Variants in TSPAN11 observed in about 807,000 individuals in gnomAD.
The protein encoded by TSPAN11 is tetraspanin 11.
Under a neutral mutation model 32.9 loss-of-function variants are expected in TSPAN11, and 29 were observed. The ratio of observed to expected loss-of-function variants is 0.88; its 90% CI spans 0.66 to 1.20. The LOEUF (loss-of-function observed/expected upper bound fraction) is 1.20. TSPAN11 is among the 50% of genes most tolerant of loss of function. The pLI is 0.00. For missense variants in TSPAN11, 283 were observed against 329.1 expected (o/e 0.86, Z 1.08); for synonymous variants, 140 against 141.3 (o/e 0.99, Z 0.07).
chr12:30,954,361 T>C (rs937494175), intron 2 of TSPAN11: 1 of 369,732 alleles, frequency 2.7e-6, no homozygotes, highest in African/African-American at 2.1e-5. Context: ...GTACAAAGGG[T>C]CCGGTTCTTT....
chr12:30,989,299 A>T (rs1331380565), intron 7 of TSPAN11, among the ~76,000 whole-genome samples: 1 of 152,182 alleles, frequency 6.6e-6, no homozygotes, highest in Non-Finnish European at 1.5e-5. Flanking sequence ...GGAGGAAGTG[A>T]TATCTCATTA....
chr12:30,938,305 A>G (rs919839113), intron 1 of TSPAN11, among the ~76,000 whole-genome samples: 4 of 152,278 alleles, frequency 2.6e-5, no homozygotes, highest in East Asian at 3.9e-4. Context: ...TCCACCCTCA[A>G]TGGACATGAG....
intron 1 of TSPAN11, among the ~76,000 whole-genome samples, chr12:30,931,643 G>A (rs986995761): frequency 6.6e-6 from 1 of 152,088 alleles, no homozygotes; most frequent in Non-Finnish European, 1.5e-5. Context: ...ACTTTGGGAG[G>A]TCGAGGCAGG....
intron 2 of TSPAN11, among the ~76,000 whole-genome samples, chr12:30,960,943 G>A (rs953936511): frequency 6.6e-6 from 1 of 151,582 alleles, no homozygotes; most frequent in African/African-American, 2.4e-5. Flanking sequence ...GAAGGCTAAG[G>A]TGGGAGAATT....
Position 30,978,492 on chromosome 12 carries a change from CT to C in TSPAN11, c.277-68del, listed in dbSNP as rs1939019031. On this transcript the variant is annotated intron_variant, in intron 3 of 7. Transcript: ENST00000546076. ...GCAGGTATCTCTACCACCCCCACCACTGTGGGGAAACATTTGTCATAGCAGC... is the reference window on the plus strand; with the variant it reads ...GCAGGTATCTCTACCACCCCCACCACGTGGGGAAACATTTGTCATAGCAGC... 7.5e-5 allele frequency: 111 copies of C among 1,473,506 alleles called. 2 individuals are homozygous for C. The South Asian group carries it at 1.3e-3, about 17-fold the overall frequency. The allele number at this position is 1,473,506 out of a possible 1,614,324, so 91.3% of individuals were successfully genotyped here.
At position 30,963,916 on chromosome 12, in the gene TSPAN11, G is replaced by A. The variant is rs139552987; in HGVS notation, c.175G>A (p.Ala59Thr). Residue 59 changes from alanine to threonine, a missense_variant, in exon 3 of 8, where the codon GCC becomes ACC. Transcript: ENST00000546076. ...LSVLASSTFA[A>T]SAYILIFAGV... ...CGTCCTGGCCTCCAGCACCTTTGCC[G>A]CCTCCGCCTACATCCTCATCTTTGC... 2.9e-5 allele frequency: 46 copies of A among 1,613,606 alleles called. No homozygotes were observed. Among genetic ancestry groups the A allele is most frequent in the African/African-American group, 2.1e-4 (16 of 74,926 alleles).
intron 3 of TSPAN11, among the ~76,000 whole-genome samples, chr12:30,967,715 C>T (rs567340020): frequency 1.6e-4 from 8 of 48,672 alleles, no homozygotes; most frequent in South Asian, 4.4e-4. Flanking sequence ...TGCATATGCA[C>T]GCACACATGC....
chr12:30,990,631 G>A (rs1480390758), intron 7 of TSPAN11, among the ~76,000 whole-genome samples: 2 of 152,164 alleles, frequency 1.3e-5, no homozygotes, highest in African/African-American at 2.4e-5. Context: ...GGAGGAAGGA[G>A]GGGAAGAGGA....
chr12:30,983,326 A>G lies in TSPAN11; in HGVS notation c.702+176A>G, dbSNP rs377478058. ...GCAACCAAGGCTGAATCCCACGGTC[A>G]GTCTCTCCCCCAGAGAACATGAAGG... On this transcript the variant is annotated intron_variant, in intron 7 of 7. Coordinates refer to ENST00000546076, the MANE Select transcript of TSPAN11 (RefSeq NM_001370302.1). Among the ~76,000 whole-genome samples the G allele has an allele frequency of 3.9e-5, 6 of 152,200 alleles. No individual in the cohort carries two copies. The East Asian group carries it at 5.8e-4, about 15-fold the overall frequency.
the TSPAN11 span, among the ~76,000 whole-genome samples, chr12:31,013,410 C>CAA: frequency 2.1e-5 from 3 of 145,102 alleles, no homozygotes; most frequent in African/African-American, 5.1e-5. Flanking sequence ...CTATCTCTAC[C>CAA]AAAAAAAAAA....
chr12:31,008,493 G>A, the TSPAN11 span, among the ~76,000 whole-genome samples: 1 of 152,202 alleles, frequency 6.6e-6, no homozygotes, highest in Non-Finnish European at 1.5e-5. Context: ...GCAGCCATGA[G>A]TCAGGAGCTG....
At chr12:30,958,718 A>G (rs1938549099) in intron 2 of TSPAN11, among the ~76,000 whole-genome samples, 1 of 152,006 alleles carries the variant, frequency 6.6e-6, no homozygotes, top group Non-Finnish European at 1.5e-5. Context: ...AGCAGAAGTC[A>G]CTCTGGTGGT....
chr12:30,981,794 GAACTAAACATACCTC>G (rs1565803092), intron 5 of TSPAN11, among the ~76,000 whole-genome samples: 1 of 152,162 alleles, frequency 6.6e-6, no homozygotes, highest in Admixed American at 6.5e-5. Context: ...CTTGTTAGCT[GAACTAAACATACCTC>G]CACCCCACCC....
chr12:31,014,494 G>A, the TSPAN11 span, among the ~76,000 whole-genome samples: 1 of 152,162 alleles, frequency 6.6e-6, no homozygotes, highest in African/African-American at 2.4e-5. Flanking sequence ...AACCCTAGTT[G>A]AGATCAAGCC....
chr12:30,965,120 T>C (rs1398154545), intron 3 of TSPAN11, among the ~76,000 whole-genome samples: 1 of 152,214 alleles, frequency 6.6e-6, no homozygotes, highest in Non-Finnish European at 1.5e-5. Context: ...AAACCAGGCA[T>C]GTAGCGCAGC....
intron 1 of TSPAN11, among the ~76,000 whole-genome samples, chr12:30,951,954 A>C (rs1938390724): frequency 6.6e-6 from 1 of 152,256 alleles, no homozygotes; most frequent in Non-Finnish European, 1.5e-5. Flanking sequence ...GATTGAATTA[A>C]GTGAGCCCAA....
At chr12:30,964,112 AGGGGCTG>A in intron 3 of TSPAN11, 95 bp downstream of exon 3, 3 of 982,130 alleles carry the variant, frequency 3.1e-6, no homozygotes, top group Non-Finnish European at 4.2e-6. Flanking sequence ...CTGGAGTGGG[AGGGGCTG>A]AGGCTGTGGG....
At chr12:30,986,164 A>ACTTCC (rs1157546944) in intron 7 of TSPAN11, among the ~76,000 whole-genome samples, 1 of 152,186 alleles carries the variant, frequency 6.6e-6, no homozygotes, top group Admixed American at 6.5e-5. Context: ...CCAGCCTGGC[A>ACTTCC]CTTCCAAGAC....
At chr12:30,978,696 G>A (rs1939025660) in intron 4 of TSPAN11, 61 bp downstream of exon 4, 1 of 1,572,532 alleles carries the variant, frequency 6.4e-7, no homozygotes, top group South Asian at 1.1e-5. Context: ...AATGTGGGTA[G>A]GGAGGTTTGC....
Sources: allele counts gnomAD v4.1 joint callset (sites outside exome capture counted in the v4.1 genomes callset), GRCh38; gene constraint gnomAD v4.1.1; transcripts MANE v1.5; gene names NCBI Gene and HGNC (gene_info 2026-07-23, HGNC 2026-07-21).